ALAD: variants seen among roughly 807,000 people sequenced by gnomAD.
ALAD encodes the protein aminolevulinate dehydratase.
A neutral mutation model predicts 44.4 loss-of-function variants in ALAD; 20 were observed. The ratio of observed to expected loss-of-function variants is 0.45; its 90% confidence interval spans 0.32 to 0.65. ALAD has a LOEUF of 0.65. ALAD is among the 30% of genes least tolerant of loss of function. The probability of loss-of-function intolerance (pLI) is 0.05; values close to 1 mark genes in which losing one functional copy is unlikely to be tolerated. For synonymous variants in ALAD, 156 were observed against 167.9 expected (o/e 0.93, Z 0.55); for missense variants, 323 against 445.7 (o/e 0.72, Z 2.48).
rs965252079 is a variant in ALAD, at chr9:113,388,238, C to T, written c.*62G>A. 2.6e-6 allele frequency: 4 copies of T among 1,560,642 alleles called. No homozygotes were observed. The highest frequency in any genetic ancestry group is 2.2e-5 in the South Asian group (2 of 89,974). ...TAAAAGCAGCATTTACTTTGGTTTTCACTTGTCTGAGGCCCCGGGAACGTT... is the reference window on the plus strand; with the variant it reads ...TAAAAGCAGCATTTACTTTGGTTTTTACTTGTCTGAGGCCCCGGGAACGTT... On this transcript the variant is annotated 3_prime_UTR_variant, in exon 12 of 12. Coordinates refer to ENST00000409155, the MANE Select transcript of ALAD (RefSeq NM_000031.6).
At position 113,386,335 on chromosome 9, in the gene ALAD, A is replaced by G. The variant is rs1307908329; in HGVS notation, c.*1965T>C. 1.3e-5 allele frequency: 2 copies of G among 152,214 alleles called. No individual in the cohort carries two copies. Among genetic ancestry groups the G allele is most frequent in the Admixed American group, 6.5e-5 (1 of 15,282 alleles). The allele number at this position is 152,214 out of a possible 1,614,324, so 9.4% of individuals were successfully genotyped here. A position where few individuals can be genotyped will look rare whatever the true frequency, so the allele number is the denominator to read the frequency against. The stretch of plus-strand genomic sequence containing the variant: ...ACTGTACTTCAAATATTGAATTTTT[A>G]TTCAAAATTCTTTACAACTTTATTA... On this transcript the variant is annotated 3_prime_UTR_variant, in exon 12 of 12. Transcript: ENST00000409155.
At position 113,390,400 on chromosome 9, in the gene ALAD, C is replaced by T. The variant is rs991201898; in HGVS notation, c.570+5G>A. On this transcript the variant is annotated splice_donor_5th_base_variant and intron_variant, in intron 7 of 11. Transcript: ENST00000409155. ...CCAGCCCTGTGCTGCATTCCCTGCC[C>T]TTACCCTGTTGCCAAGTCCATGTGC... 1.2e-6 allele frequency: 2 copies of T among 1,613,774 alleles called. No homozygotes were observed. Among genetic ancestry groups the T allele is most frequent in the African/African-American group, 2.7e-5 (2 of 74,922 alleles).
At chr9:113,400,427 G>A (rs1046908842) in intron 1 of ALAD, among the ~76,000 whole-genome samples, 8 of 152,212 alleles carry the variant, frequency 5.3e-5, no homozygotes, top group Non-Finnish European at 1.2e-4. Context: ...TCTGATAGAT[G>A]TGGGTACAAA....
intron 11 of ALAD, among the ~76,000 whole-genome samples, 170 bp downstream of exon 11, chr9:113,388,807 C>T (rs992839996): frequency 2.0e-5 from 3 of 152,168 alleles, no homozygotes; most frequent in African/African-American, 4.8e-5. Flanking sequence ...CTTCACCGGG[C>T]CGTGTTCTAT....
In ALAD at chr9:113,390,322, G is replaced by C. The variant is rs540771040; in HGVS notation, c.570+83C>G. The C allele has an allele frequency of 1.2e-4, 175 of 1,441,066 alleles. 3 individuals are homozygous for C. The South Asian group carries it at 1.8e-3, about 15-fold the overall frequency. The allele number at this position is 1,441,066 out of a possible 1,614,324, so 89.3% of individuals were successfully genotyped here. On this transcript the variant is annotated intron_variant, in intron 7 of 11. Transcript: ENST00000409155. ...CAGGTGTGAGCCAACACGCCCGGCA[G>C]TTCTGTGATTCTTAGCAGACACGGG...
At position 113,389,663 on chromosome 9, in the gene ALAD, G is replaced by C. The variant is rs749341441; in HGVS notation, c.650C>G (p.Ala217Gly). Residue 217 changes from alanine to glycine, a missense_variant, in exon 9 of 12, where the codon GCT (alanine) becomes GGT (glycine). By Grantham distance (60) the Ala-to-Gly change is moderately conservative. Transcript: ENST00000409155. ...PFRDAAKSSP[A>G]FGDRRCYQLP... ...CTGGTAGCAGCGGCGGTCCCCAAAAGCTGGGCTTGACTTAGCTGCATCCCT... is the reference window on the plus strand; with the variant it reads ...CTGGTAGCAGCGGCGGTCCCCAAAACCTGGGCTTGACTTAGCTGCATCCCT... 1.2e-6 allele frequency: 2 copies of C among 1,614,174 alleles called. No individual in the cohort carries two copies. The highest frequency in any genetic ancestry group is 2.2e-5 in the South Asian group (2 of 91,088).
chr9:113,391,994 C>G (rs1184235872), intron 3 of ALAD, 125 bp downstream of exon 3: 9 of 1,004,788 alleles, frequency 9.0e-6, no homozygotes, highest in Non-Finnish European at 1.4e-5. Context: ...ACCCTTTCCT[C>G]TACTGAGCTA....
In ALAD at chr9:113,388,566, G is replaced by A. The variant is rs573864037; in HGVS notation, c.932-205C>T. Among the ~76,000 whole-genome samples the A allele has an allele frequency of 1.2e-3, 187 of 152,342 alleles. 1 individual carries two copies. The highest frequency in any genetic ancestry group is 2.0e-3 in the Non-Finnish European group (139 of 68,024). ...TCTTTTGGGGCCTCAGTTTACCAAA[G>A]AATAAAATGCACAGTGAAGGAAATA... On this transcript the variant is annotated intron_variant, in intron 11 of 11. Coordinates refer to ENST00000409155, the MANE Select transcript of ALAD (RefSeq NM_000031.6).
chr9:113,393,649 G>T lies in ALAD; in HGVS notation c.-75-15C>A. The T allele has an allele frequency of 9.5e-7, 1 of 1,050,904 alleles. No homozygotes were observed. The highest frequency in any genetic ancestry group is 1.5e-6 in the Non-Finnish European group (1 of 673,418). The allele number at this position is 1,050,904 out of a possible 1,614,324, so 65.1% of individuals were successfully genotyped here. On this transcript the variant is annotated splice_polypyrimidine_tract_variant and intron_variant, in intron 1 of 11. Coordinates refer to ENST00000409155, the MANE Select transcript of ALAD (RefSeq NM_000031.6). ...GCAGGCTCTGTCTGTGGGGGGTGAT[G>T]GGTGGCACATGAGACATGGTCCCTG...
At chr9:113,393,786 G>A (rs1827660356) in intron 1 of ALAD, among the ~76,000 whole-genome samples, 152 bp from the exon 2 acceptor site, 2 of 152,174 alleles carry the variant, frequency 1.3e-5, no homozygotes, top group South Asian at 4.1e-4. Context: ...GGTCAACAAG[G>A]TAAGTTGAGA....
In ALAD at chr9:113,387,347, C is replaced by CT. The variant is rs1827423557; in HGVS notation, c.*952dup. ...TTCAAAGAGGTCAGGTCCTGGTGACCTCCTTCAGAGCACCTGTCACCACAT... is the reference window on the plus strand; with the variant it reads ...TTCAAAGAGGTCAGGTCCTGGTGACCTTCCTTCAGAGCACCTGTCACCACAT... On this transcript the variant is annotated 3_prime_UTR_variant, in exon 12 of 12. Transcript: ENST00000409155. 2.0e-5 allele frequency: 3 copies of CT among 152,248 alleles called. No homozygotes were observed. In the South Asian group the frequency reaches 6.2e-4, roughly 31 times the overall value. The allele number at this position is 152,248 out of a possible 1,614,324, so 9.4% of individuals were successfully genotyped here.
intron 1 of ALAD, among the ~76,000 whole-genome samples, chr9:113,400,915 C>G (rs896380905): frequency 2.0e-5 from 3 of 152,228 alleles, no homozygotes; most frequent in African/African-American, 2.4e-5. Flanking sequence ...CCTACCCCCC[C>G]ACCAACCACC....
chr9:113,390,461 C>T lies in ALAD; in HGVS notation c.514G>A (p.Asp172Asn), dbSNP rs984587640. The part of the protein sequence containing the change: ...CQVVAPSDMM[D>N]GRVEAIKEAL... ...TCTTTGATGGCTTCCACGCGTCCAT[C>T]CATCATGTCCGACGGGGCTACCACC... Residue 172 changes from aspartate (D) to asparagine (N), a missense_variant, in exon 7 of 12, where the codon GAT (aspartate) becomes AAT (asparagine). By Grantham distance (23) the Asp-to-Asn change is conservative. Coordinates refer to ENST00000409155, the MANE Select transcript of ALAD (RefSeq NM_000031.6). 6.2e-7 allele frequency: 1 copy of T among 1,614,174 alleles called. No homozygotes were observed.
chr9:113,400,158 T>G (rs1005626202), intron 1 of ALAD, among the ~76,000 whole-genome samples: 1 of 152,162 alleles, frequency 6.6e-6, no homozygotes, highest in Non-Finnish European at 1.5e-5. Flanking sequence ...GTTTGCTGAT[T>G]GTATCACTGA....
chr9:113,400,492 G>A (rs1827825600), intron 1 of ALAD, among the ~76,000 whole-genome samples: 1 of 152,178 alleles, frequency 6.6e-6, no homozygotes, highest in African/African-American at 2.4e-5. Flanking sequence ...TTTAGTAAAT[G>A]GGGACTAGAA....
In ALAD at chr9:113,389,697, G is replaced by A; in HGVS notation, c.627-11C>T. 6.2e-7 allele frequency: 1 copy of A among 1,614,178 alleles called. No homozygotes were observed. The highest frequency in any genetic ancestry group is 8.5e-7 in the Non-Finnish European group (1 of 1,180,024). Reference sequence around the variant, plus strand: ...GACTTAGCTGCATCCCTGCAAAGCAGAGTCATCAGGGTGGGCTCCAGCTTT... The same window carrying A: ...GACTTAGCTGCATCCCTGCAAAGCAAAGTCATCAGGGTGGGCTCCAGCTTT... On this transcript the variant is annotated splice_polypyrimidine_tract_variant and intron_variant, in intron 8 of 11. Transcript: ENST00000409155.
At position 113,390,450 on chromosome 9, in the gene ALAD, C is replaced by T; in HGVS notation, c.525G>A (p.Val175=). 9 of 1,614,152 alleles carry T rather than the reference C, an allele frequency of 5.6e-6. No homozygotes were observed. The highest frequency in any genetic ancestry group is 7.6e-6 in the Non-Finnish European group (9 of 1,180,030). ...CCATCAGGGCCTCTTTGATGGCTTC[C>T]ACGCGTCCATCCATCATGTCCGACG... ...VAPSDMMDGR[V]EAIKEALMAH... The change falls in exon 7 of 12, where the codon GTG becomes GTA. Residue 175 remains valine (V), a synonymous_variant. Coordinates refer to ENST00000409155, the MANE Select transcript of ALAD (RefSeq NM_000031.6).
chr9:113,399,674 T>C (rs546883911), intron 1 of ALAD, among the ~76,000 whole-genome samples: 1 of 152,254 alleles, frequency 6.6e-6, no homozygotes, highest in East Asian at 1.9e-4. Context: ...GTAACTGAAG[T>C]TGGGCCCTGA....
rs1827591123 is a variant in ALAD, at chr9:113,391,689, C to T, written c.165-66G>A. 5.3e-6 allele frequency: 7 copies of T among 1,323,826 alleles called. No individual in the cohort carries two copies. In the South Asian group the frequency reaches 8.3e-5, roughly 16 times the overall value. 82.0% of individuals were successfully genotyped at this position (1,323,826 alleles called of 1,614,324 possible). ...CCAGGCAACGGTCCTCCGGACCCCA[C>T]CACACTGTGTGCCTCTGTTAGAAAC... On this transcript the variant is annotated intron_variant, in intron 3 of 11. Transcript: ENST00000409155.
Sources: gnomAD v4.1 joint callset for allele counts (sites outside exome capture counted in the v4.1 genomes callset) on GRCh38, gnomAD v4.1.1 for gene constraint, MANE v1.5 for transcripts, NCBI Gene and HGNC (gene_info 2026-07-23, HGNC 2026-07-21) for gene names.